Variants in DENND2C observed in about 807,000 individuals in gnomAD.
DENND2C encodes the protein DENN domain containing 2C.
DENND2C carries 72 observed loss-of-function variants against 112.4 expected under a neutral mutation model. That is an observed-to-expected ratio of 0.64 (90% confidence interval 0.53 to 0.78). The LOEUF is 0.78. Ranked by LOEUF, DENND2C falls within the 30% of genes least tolerant of loss-of-function variation. The pLI, the probability that DENND2C is intolerant of heterozygous loss-of-function variation, is 0.00. For missense variants in DENND2C, 992 were observed against 1,113.8 expected, an observed-to-expected ratio of 0.89 and a Z score of 1.56; for synonymous variants, 329 against 381.6, an observed-to-expected ratio of 0.86 and a Z score of 1.61.
At position 114,584,875 on chromosome 1, in the gene DENND2C, T is replaced by A. The variant is rs999339965; in HGVS notation, c.*725A>T. On this transcript the variant is annotated 3_prime_UTR_variant, in exon 21 of 21. Coordinates refer to ENST00000393274, the MANE Select transcript of DENND2C (RefSeq NM_001256404.2). The stretch of plus-strand genomic sequence containing the variant: ...CTTAGCCTCCCAAAGTGGTGGAGAT[T>A]ACAGGTGTGAGCCACTGCATCCAGC... 6.6e-6 allele frequency: 1 copy of A among 152,108 alleles called. No individual in the cohort carries two copies. The highest frequency in any genetic ancestry group is 1.5e-5 in the Non-Finnish European group (1 of 68,014). The allele number at this position is 152,108 out of a possible 1,614,324, so 9.4% of individuals were successfully genotyped here.
Position 114,625,219 on chromosome 1 carries a change from G to C in DENND2C, c.766C>G (p.Pro256Ala), listed in dbSNP as rs188738195. 38 of 1,612,314 alleles carry C rather than the reference G, an allele frequency of 2.4e-5. No homozygotes were observed. In the East Asian group the frequency reaches 8.0e-4, roughly 34 times the overall value. ...CTGATTTTTCCACCATATTTCTTTG[G>C]TTCAGGTTCCTGAGAAGAGGCCAAA... ...SSLASSQEPEPKKYGGKIRGR... is the reference protein window; with the variant it reads ...SSLASSQEPEAKKYGGKIRGR... Residue 256 changes from proline to alanine, a missense_variant, in exon 4 of 21, where the codon CCA becomes GCA. Transcript: ENST00000393274.
At chr1:114,615,212 A>T (rs1655930365) in intron 8 of DENND2C, among the ~76,000 whole-genome samples, 1 of 152,258 alleles carries the variant, frequency 6.6e-6, no homozygotes, top group Admixed American at 6.5e-5. Context: ...ATAATAATGC[A>T]TCAGAAAGGA....
intron 20 of DENND2C, among the ~76,000 whole-genome samples, chr1:114,586,219 A>G (rs1267541081): frequency 6.6e-6 from 1 of 152,224 alleles, no homozygotes; most frequent in Non-Finnish European, 1.5e-5. Context: ...TTTCTGTATG[A>G]AGTAGAAAAT....
At chr1:114,639,379 G>A (rs1306215733) in intron 3 of DENND2C, among the ~76,000 whole-genome samples, 2 of 152,024 alleles carry the variant, frequency 1.3e-5, no homozygotes, top group Non-Finnish European at 2.9e-5. Context: ...AGGAGTTTGA[G>A]ACCAGCCTGG....
chr1:114,600,036 G>A (rs1274046140), intron 15 of DENND2C, among the ~76,000 whole-genome samples, 168 bp downstream of exon 15: 1 of 152,102 alleles, frequency 6.6e-6, no homozygotes, highest in Non-Finnish European at 1.5e-5. Flanking sequence ...GTTAATGGGT[G>A]CAGCACACCA....
intron 3 of DENND2C, among the ~76,000 whole-genome samples, chr1:114,629,386 TC>T (rs1290824479): frequency 2.6e-5 from 4 of 152,180 alleles, no homozygotes; most frequent in African/African-American, 9.7e-5. Flanking sequence ...CAAACAATTC[TC>T]CCGCCTCAGC....
intron 18 of DENND2C, among the ~76,000 whole-genome samples, chr1:114,588,254 T>C (rs1655097369): frequency 6.6e-6 from 1 of 152,204 alleles, no homozygotes; most frequent in Non-Finnish European, 1.5e-5. Flanking sequence ...CAGCCAAATT[T>C]AATCTGCTTT....
At chr1:114,607,663 C>A (rs188690899) in intron 10 of DENND2C, among the ~76,000 whole-genome samples, 207 of 151,984 alleles carry the variant, frequency 1.4e-3, no homozygotes, top group African/African-American at 4.6e-3. Flanking sequence ...CTAATCCTGG[C>A]AAATATTAGG....
chr1:114,597,214 C>A (rs552587684), intron 16 of DENND2C, among the ~76,000 whole-genome samples: 2 of 151,142 alleles, frequency 1.3e-5, no homozygotes. Context: ...GAGGCTGAGG[C>A]GGGCGGATCA....
chr1:114,610,626 G>A (rs763733229), intron 9 of DENND2C, among the ~76,000 whole-genome samples: 5 of 151,978 alleles, frequency 3.3e-5, no homozygotes, highest in Admixed American at 1.3e-4. Context: ...CCTGAACCCG[G>A]GAGGCAGAGG....
chr1:114,630,713 TC>T (rs1403129518), intron 3 of DENND2C, among the ~76,000 whole-genome samples: 1 of 151,946 alleles, frequency 6.6e-6, no homozygotes, highest in Admixed American at 6.6e-5. Flanking sequence ...CTACATAGAG[TC>T]CCCTTGAATC....
intron 4 of DENND2C, among the ~76,000 whole-genome samples, chr1:114,623,985 C>T (rs560235133): frequency 6.6e-6 from 1 of 152,294 alleles, no homozygotes; most frequent in Non-Finnish European, 1.5e-5. Flanking sequence ...ATCTGCCTGC[C>T]TCGGCCTCCC....
chr1:114,585,730 CAA>C, intron 20 of DENND2C, 99 bp from the exon 21 acceptor site: 1 of 1,250,196 alleles, frequency 8.0e-7, no homozygotes, highest in Non-Finnish European at 1.2e-6. Flanking sequence ...CAGAACAGCC[CAA>C]GAGTTAAGCT....
intron 15 of DENND2C, 93 bp from the exon 16 acceptor site, chr1:114,599,544 G>T (rs1655436613): frequency 1.9e-6 from 2 of 1,062,430 alleles, no homozygotes; most frequent in South Asian, 5.5e-5. Flanking sequence ...ATTGATGCTG[G>T]TTAGTGATCA....
At chr1:114,668,626 C>T (rs1657708553) in intron 1 of DENND2C, among the ~76,000 whole-genome samples, 1 of 151,890 alleles carries the variant, frequency 6.6e-6, no homozygotes. Flanking sequence ...TCAGAACAGG[C>T]CTACAAGTAT....
rs1341305375 is a variant in DENND2C at position 114,587,884 on chromosome 1, A to G, written c.2500T>C (p.Ser834Pro). The G allele has an allele frequency of 1.2e-6, 2 of 1,614,212 alleles. No individual in the cohort carries two copies. Among genetic ancestry groups the G allele is most frequent in the Non-Finnish European group, 8.5e-7 (1 of 1,180,036 alleles). Residue 834 changes from serine (S) to proline (P), a missense_variant, in exon 19 of 21, where the codon TCT becomes CCT. Physicochemically the swap from Ser to Pro is moderately conservative, Grantham distance 74. Around this residue, in one of 3 missense-constraint regions of DENND2C, gnomAD observed 516 missense variants for 623.6 expected, o/e 0.83. Transcript: ENST00000393274. ...CGCTCAGTGACAGTCATGTTCAAAG[A>G]ATAATGTCCTACCAACTCCACAAAA... is the stretch of plus-strand genomic sequence containing the variant. ...RFFVELVGHY[S>P]LNMTVTERGE...
chr1:114,617,081 C>G (rs930578966), intron 8 of DENND2C, among the ~76,000 whole-genome samples: 4 of 152,184 alleles, frequency 2.6e-5, no homozygotes, highest in African/African-American at 9.6e-5. Context: ...AAGACCATCC[C>G]CCATGATTCA....
chr1:114,627,374 T>C (rs1656373327), intron 3 of DENND2C, among the ~76,000 whole-genome samples: 1 of 152,230 alleles, frequency 6.6e-6, no homozygotes, highest in Non-Finnish European at 1.5e-5. Context: ...CTGTGTGGCC[T>C]TGATTAACAG....
chr1:114,664,795 A>T (rs1042259320), intron 1 of DENND2C, among the ~76,000 whole-genome samples: 1 of 148,568 alleles, frequency 6.7e-6, no homozygotes, highest in Non-Finnish European at 1.5e-5. Flanking sequence ...ATTGTTTTTT[A>T]ATTAGCAGGG....
Sources: allele counts gnomAD v4.1 joint callset (sites outside exome capture counted in the v4.1 genomes callset), GRCh38; gene constraint gnomAD v4.1.1; regional missense constraint gnomAD v4.1.1; transcripts MANE v1.5; gene names NCBI Gene and HGNC (gene_info 2026-07-23, HGNC 2026-07-21).